SMPX: variants seen among roughly 807,000 people sequenced by gnomAD.
SMPX encodes the protein small muscular protein.
Under a neutral mutation model 6.3 loss-of-function variants are expected in SMPX, and 2 were observed. The ratio of observed to expected loss-of-function variants is 0.32; its 90% CI spans 0.13 to 0.99. The LOEUF is 0.99. Ranked by LOEUF, SMPX falls within the 50% of genes least tolerant of loss-of-function variation. The probability of loss-of-function intolerance (pLI) is 0.49; values close to 1 mark genes in which losing one functional copy is unlikely to be tolerated. For synonymous variants in SMPX, 32 were observed against 24.7 expected, an observed-to-expected ratio of 1.30 and a Z score of -0.88; for missense variants, 60 against 66.8, an observed-to-expected ratio of 0.90 and a Z score of 0.36.
chrX:21,747,152 G>GGAT (rs1361057497), intron 2 of SMPX, among the ~76,000 whole-genome samples: 1 of 111,550 alleles, frequency 9.0e-6, no homozygotes, highest in Non-Finnish European at 1.9e-5. Flanking sequence ...GTTGATATTA[G>GGAT]GATAGGCTTC....
intron 4 of SMPX, among the ~76,000 whole-genome samples, chrX:21,721,395 T>A (rs2092791583): frequency 8.9e-6 from 1 of 112,431 alleles, no homozygotes; most frequent in Non-Finnish European, 1.9e-5. Flanking sequence ...TATAAATAAA[T>A]GCACATGTAT....
intron 1 of SMPX, among the ~76,000 whole-genome samples, chrX:21,755,566 T>C: frequency 1.8e-5 from 2 of 112,557 alleles, no homozygotes; most frequent in Admixed American, 1.9e-4. Flanking sequence ...TGTACTCATC[T>C]CCAGCTTTAA....
At chrX:21,731,441 G>GTACACA (rs1020938298) in intron 4 of SMPX, among the ~76,000 whole-genome samples, 2 of 91,268 alleles carry the variant, frequency 2.2e-5, no homozygotes, top group African/African-American at 4.0e-5. Flanking sequence ...GTGTGTATGT[G>GTACACA]TACACATACA....
intron 2 of SMPX, among the ~76,000 whole-genome samples, chrX:21,751,902 G>A (rs1158155060): frequency 1.8e-5 from 2 of 112,163 alleles, no homozygotes; most frequent in African/African-American, 3.2e-5. Flanking sequence ...GTGTAACCAC[G>A]TTCATATTTT....
intron 4 of SMPX, among the ~76,000 whole-genome samples, chrX:21,715,524 T>C (rs974258686): frequency 2.6e-4 from 29 of 111,016 alleles, no homozygotes; most frequent in African/African-American, 8.9e-4. Context: ...AACCACAGCC[T>C]AGGAGGGCTT....
At chrX:21,740,887 T>C (rs1171716752) in intron 3 of SMPX, among the ~76,000 whole-genome samples, 1 of 112,428 alleles carries the variant, frequency 8.9e-6, no homozygotes. Context: ...ATAATGATAG[T>C]ATTTCAGTCA....
At chrX:21,740,428 A>C (rs1354547260) in intron 3 of SMPX, among the ~76,000 whole-genome samples, 2 of 112,240 alleles carry the variant, frequency 1.8e-5, no homozygotes, top group East Asian at 5.6e-4. Flanking sequence ...GCTGTTGTGA[A>C]GGGAAATGTT....
intron 4 of SMPX, among the ~76,000 whole-genome samples, chrX:21,715,878 A>G (rs1245972432): frequency 1.8e-5 from 2 of 111,300 alleles, no homozygotes; most frequent in Admixed American, 1.9e-4. Flanking sequence ...GGCCCCAGTA[A>G]CAGAGTTGCC....
chrX:21,728,031 C>T (rs2092798910), intron 4 of SMPX, among the ~76,000 whole-genome samples: 1 of 111,475 alleles, frequency 9.0e-6, no homozygotes, highest in Non-Finnish European at 1.9e-5. Flanking sequence ...ATGAATGACA[C>T]AGACTCCTGA....
intron 3 of SMPX, among the ~76,000 whole-genome samples, chrX:21,741,774 A>G (rs2092816331): frequency 1.8e-5 from 2 of 112,232 alleles, no homozygotes; most frequent in African/African-American, 6.5e-5. Context: ...TTGTTACAAA[A>G]AAAAAAGGAA....
At chrX:21,746,714 G>A (rs1033553413) in intron 2 of SMPX, among the ~76,000 whole-genome samples, 1 of 100,767 alleles carries the variant, frequency 9.9e-6, no homozygotes, top group Non-Finnish European at 2.0e-5. Context: ...AAAATATGTC[G>A]AACATTCGAT....
intron 4 of SMPX, among the ~76,000 whole-genome samples, chrX:21,729,082 G>T (rs1306270301): frequency 1.8e-5 from 2 of 112,508 alleles, no homozygotes; most frequent in African/African-American, 6.5e-5. Flanking sequence ...AGTTGGGTTT[G>T]AGGCAATTCC....
At chrX:21,718,169 A>G (rs2092787386) in intron 4 of SMPX, among the ~76,000 whole-genome samples, 1 of 112,628 alleles carries the variant, frequency 8.9e-6, no homozygotes, top group African/African-American at 3.2e-5. Flanking sequence ...AAAGGCTTTG[A>G]GTAGTGAAGT....
chrX:21,743,442 A>C (rs115911459), intron 3 of SMPX, among the ~76,000 whole-genome samples: 32 of 74,572 alleles, frequency 4.3e-4, no homozygotes, highest in African/African-American at 1.0e-3. Context: ...CATACACACA[A>C]TCAATCAATC....
At position 21,737,539 on chromosome X, in the gene SMPX, T is replaced by G; in HGVS notation, c.*14+10A>C. The G allele has an allele frequency of 1.7e-6, 2 of 1,200,490 alleles. No homozygotes were observed. Among genetic ancestry groups the G allele is most frequent in the Non-Finnish European group, 2.3e-6 (2 of 885,988 alleles). On this transcript the variant is annotated intron_variant, in intron 4 of 4. Transcript: ENST00000379494. ...ACTTTTTGAGACAAAGAAGATAGTT[T>G]TTCACTCACCTTTTTTCTTCCTACT...
At chrX:21,706,543 T>C (rs973678482) in intron 4 of SMPX, 149 bp from the exon 5 acceptor site, 10 of 218,207 alleles carry the variant, frequency 4.6e-5, no homozygotes, top group Non-Finnish European at 8.4e-5. Flanking sequence ...TAAGTCAACA[T>C]AATTAGCATA....
At chrX:21,706,764 T>C (rs1441592601) in intron 4 of SMPX, among the ~76,000 whole-genome samples, 1 of 110,076 alleles carries the variant, frequency 9.1e-6, no homozygotes, top group Non-Finnish European at 1.9e-5. Context: ...CGAGGGCGGT[T>C]CCCCCCATAC....
chrX:21,751,504 T>C (rs1460384859), intron 2 of SMPX, among the ~76,000 whole-genome samples: 1 of 112,136 alleles, frequency 8.9e-6, no homozygotes, highest in East Asian at 2.8e-4. Context: ...TTACTAATTC[T>C]TCTCTTGATA....
intron 3 of SMPX, among the ~76,000 whole-genome samples, chrX:21,738,934 C>G (rs112835913): frequency 1.2e-4 from 13 of 111,602 alleles, no homozygotes; most frequent in South Asian, 7.7e-4. Context: ...CAGCAAGTAT[C>G]TTTGGGTCAG....
Sources: gnomAD v4.1 joint callset for allele counts (sites outside exome capture counted in the v4.1 genomes callset) on GRCh38, gnomAD v4.1.1 for gene constraint, MANE v1.5 for transcripts, NCBI Gene and HGNC (gene_info 2026-07-23, HGNC 2026-07-21) for gene names.